Variants in ATP12A observed in about 807,000 individuals in gnomAD.
ATP12A encodes the protein potassium-transporting ATPase alpha chain 2.
A neutral mutation model predicts 111.2 loss-of-function variants in ATP12A; 81 were observed. The observed-to-expected ratio is 0.73, with a 90% CI of 0.61 to 0.88. The LOEUF (loss-of-function observed/expected upper bound fraction) is 0.88. ATP12A is among the 40% of genes least tolerant of loss of function. The pLI, the probability that ATP12A is intolerant of heterozygous loss-of-function variation, is 0.00. For synonymous variants in ATP12A, 498 were observed against 499.8 expected, an observed-to-expected ratio of 1.00 and a Z score of 0.05; for missense variants, 1,196 against 1,313.1, an observed-to-expected ratio of 0.91 and a Z score of 1.38.
intron 18 of ATP12A, 49 bp from the exon 19 acceptor site, chr13:24,709,634 T>C (rs1327689432): frequency 6.2e-7 from 1 of 1,604,072 alleles, no homozygotes; most frequent in Admixed American, 1.7e-5. Context: ...ATGAGGCAGT[T>C]TCCTGAGGCC....
At chr13:24,706,894 A>G (rs1245009148) in intron 15 of ATP12A, 129 bp from the exon 16 acceptor site, 5 of 1,013,950 alleles carry the variant, frequency 4.9e-6, no homozygotes, top group Non-Finnish European at 7.0e-6. Flanking sequence ...TTTCCCCTAA[A>G]TGGGCCTTTC....
At chr13:24,681,427 C>T (rs1029665652) in intron 1 of ATP12A, 135 bp from the exon 2 acceptor site, 8 of 1,074,630 alleles carry the variant, frequency 7.4e-6, no homozygotes, top group Non-Finnish European at 9.3e-6. Context: ...CGACTCCCTC[C>T]GGCCTCCCCA....
rs1004781149 is a variant in ATP12A at position 24,696,737 on chromosome 13, A to AG, written c.1513-1921_1513-1920insG. Reference sequence around the variant, plus strand: ...CCGTCTCAAAAAAAAAAAAAAAAAAAAAAAAAAAAGAAAGGGGAGAGGGGC... The same window carrying AG: ...CCGTCTCAAAAAAAAAAAAAAAAAAAGAAAAAAAAAGAAAGGGGAGAGGGGC... On this transcript the variant is annotated intron_variant, in intron 11 of 22. Transcript: ENST00000381946. Among the ~76,000 whole-genome samples, 36 of 98,412 alleles carry AG rather than the reference A, an allele frequency of 3.7e-4. 8 individuals are homozygous for AG. The South Asian group carries it at 6.7e-3, about 18-fold the overall frequency. The allele number at this position is 98,412 out of a possible 152,430, so 64.6% of individuals were successfully genotyped here. A position where few individuals can be genotyped will look rare whatever the true frequency, so the allele number is the denominator to read the frequency against.
At chr13:24,681,789 CCA>C in intron 2 of ATP12A, 69 bp downstream of exon 2, 2 of 1,559,482 alleles carry the variant, frequency 1.3e-6, no homozygotes, top group Non-Finnish European at 1.7e-6. Flanking sequence ...CCCCTAGAAC[CCA>C]CCTCTTACCA....
chr13:24,702,899 C>T (rs949951673), intron 14 of ATP12A, among the ~76,000 whole-genome samples: 5 of 152,262 alleles, frequency 3.3e-5, no homozygotes, highest in South Asian at 2.1e-4. Flanking sequence ...TCAAAGACTC[C>T]GAATTCTCAG....
Position 24,700,900 on chromosome 13 carries a change from A to G in ATP12A, c.1859A>G (p.Lys620Arg), listed in dbSNP as rs201131344. 9 of 1,614,146 alleles carry G rather than the reference A, an allele frequency of 5.6e-6. No individual in the cohort carries two copies. In the East Asian group the frequency reaches 1.6e-4, roughly 28 times the overall value. The change falls in exon 13 of 23, where the codon AAA becomes AGA. Residue 620 changes from lysine (K) to arginine (R), a missense_variant. Lys to Arg is a conservative substitution (Grantham distance 26). Coordinates refer to ENST00000381946, the MANE Select transcript of ATP12A (RefSeq NM_001676.7). Reference protein sequence around the residue: ...PRSTVPDAVTKCRSAGIKVIM... With the variant: ...PRSTVPDAVTRCRSAGIKVIM... ...TCCACCGTGCCAGATGCAGTCACCA[A>G]ATGCCGGAGTGCAGGGATCAAGGTG...
In ATP12A at chr13:24,710,724, G is replaced by T. The variant is rs1402676787; in HGVS notation, c.2898-68G>T. The T allele has an allele frequency of 1.9e-6, 3 of 1,598,640 alleles. No homozygotes were observed. The East Asian group carries it at 6.7e-5, about 36-fold the overall frequency. On this transcript the variant is annotated intron_variant, in intron 20 of 22. Coordinates refer to ENST00000381946, the MANE Select transcript of ATP12A (RefSeq NM_001676.7). ...GAGGCATTGATTTTTCTGGTGGCATGGTCTGCTGGGTGTATGATCATGAAG... is the reference window on the plus strand; with the variant it reads ...GAGGCATTGATTTTTCTGGTGGCATTGTCTGCTGGGTGTATGATCATGAAG...
intron 2 of ATP12A, among the ~76,000 whole-genome samples, chr13:24,682,122 T>A (rs548219883): frequency 8.7e-5 from 10 of 115,024 alleles, no homozygotes; most frequent in African/African-American, 3.3e-4. Context: ...GTGTGTGGTG[T>A]GTGTGTGTGG....
chr13:24,701,055 T>G (rs1875373174), intron 13 of ATP12A, 133 bp downstream of exon 13: 13 of 1,072,162 alleles, frequency 1.2e-5, no homozygotes, highest in Admixed American at 8.6e-5. Context: ...TATTTCTAGT[T>G]TCACTGTGCT....
At chr13:24,687,942 C>T (rs981793770) in intron 3 of ATP12A, among the ~76,000 whole-genome samples, 1 of 152,178 alleles carries the variant, frequency 6.6e-6, no homozygotes, top group Non-Finnish European at 1.5e-5. Flanking sequence ...TGGACCCAGT[C>T]ACCACGTTGA....
intron 11 of ATP12A, among the ~76,000 whole-genome samples, chr13:24,696,600 T>C: frequency 8.0e-6 from 1 of 125,488 alleles, no homozygotes; most frequent in African/African-American, 2.9e-5. Flanking sequence ...TAGTCCCAGC[T>C]ACTCGGGAGG....
In ATP12A at chr13:24,680,441, G is replaced by C. The variant is rs1040546357; in HGVS notation, c.-303G>C. On this transcript the variant is annotated 5_prime_UTR_variant, in exon 1 of 23. Coordinates refer to ENST00000381946, the MANE Select transcript of ATP12A (RefSeq NM_001676.7). ...TGGACTCTCCCGACCCCTAGCTGTC[G>C]GTCCCCCTCCCTGCGCGCGCGCCGG... 4 of 406,648 alleles carry C rather than the reference G, an allele frequency of 9.8e-6. No individual in the cohort carries two copies. Among genetic ancestry groups the C allele is most frequent in the Admixed American group, 4.8e-5 (1 of 20,784 alleles). 25.2% of individuals were successfully genotyped at this position (406,648 alleles called of 1,614,324 possible).
chr13:24,682,997 C>T (rs1383122410), intron 2 of ATP12A, among the ~76,000 whole-genome samples: 1 of 146,874 alleles, frequency 6.8e-6, no homozygotes, highest in Non-Finnish European at 1.5e-5. Context: ...GCTCTTGTTG[C>T]CCAGGCTGGA....
chr13:24,690,931 C>A, intron 7 of ATP12A, 51 bp from the exon 8 acceptor site: 1 of 1,605,100 alleles, frequency 6.2e-7, no homozygotes, highest in South Asian at 1.1e-5. Flanking sequence ...GCTGGCTGCA[C>A]ACCCCTCCTG....
chr13:24,682,557 C>A (rs575580278), intron 2 of ATP12A, among the ~76,000 whole-genome samples: 2 of 152,128 alleles, frequency 1.3e-5, no homozygotes, highest in Non-Finnish European at 2.9e-5. Flanking sequence ...CCTCTCTCCC[C>A]GCAGCTGCTT....
intron 14 of ATP12A, chr13:24,704,190 G>T (rs1422691146): frequency 3.9e-5 from 6 of 152,200 alleles, no homozygotes; most frequent in Non-Finnish European, 5.9e-5. Context: ...TAGAGACGGG[G>T]TTTCACGATG....
chr13:24,706,317 G>T lies in ATP12A; in HGVS notation c.2023G>T (p.Ala675Ser), dbSNP rs1423741937. The change falls in exon 15 of 23, where the codon GCC (alanine) becomes TCC (serine). Residue 675 changes from alanine (A) to serine (S), a missense_variant. By Grantham distance (99) the Ala-to-Ser change is moderately conservative. Transcript: ENST00000381946. ...AGTTTCTTCTGGCCCTTCTAGGGAT[G>T]CCAAGGCCGCTGTGGTGACTGGCAT... ...IAVEQVNKRDAKAAVVTGMEL... is the reference protein window; with the variant it reads ...IAVEQVNKRDSKAAVVTGMEL... The T allele has an allele frequency of 6.2e-7, 1 of 1,613,926 alleles. No individual in the cohort carries two copies. Among genetic ancestry groups the T allele is most frequent in the East Asian group, 2.2e-5 (1 of 44,888 alleles).
Position 24,711,823 on chromosome 13 carries a change from A to G in ATP12A, c.*301A>G. ...GTGTATTTGAAACTCCTTGATGTTA[A>G]TAGTCTTGTGTAACCCAGGCATCTA... is the stretch of plus-strand genomic sequence containing the variant. On this transcript the variant is annotated 3_prime_UTR_variant, in exon 23 of 23. Coordinates refer to ENST00000381946, the MANE Select transcript of ATP12A (RefSeq NM_001676.7). 2.2e-6 allele frequency: 1 copy of G among 449,640 alleles called. No homozygotes were observed. The highest frequency in any genetic ancestry group is 4.1e-6 in the Non-Finnish European group (1 of 245,812). The allele number at this position is 449,640 out of a possible 1,614,324, so 27.9% of individuals were successfully genotyped here. A position where few individuals can be genotyped will look rare whatever the true frequency, so the allele number is the denominator to read the frequency against.
intron 13 of ATP12A, among the ~76,000 whole-genome samples, 185 bp downstream of exon 13, chr13:24,701,107 C>T (rs1875374568): frequency 6.6e-6 from 1 of 152,208 alleles, no homozygotes; most frequent in Non-Finnish European, 1.5e-5. Flanking sequence ...ATGATTGTGT[C>T]TATGTGGAAT....
Sources: gnomAD v4.1 joint callset for allele counts (sites outside exome capture counted in the v4.1 genomes callset) on GRCh38, gnomAD v4.1.1 for gene constraint, MANE v1.5 for transcripts, NCBI Gene and HGNC (gene_info 2026-07-23, HGNC 2026-07-21) for gene names.